Variants in FBXO36 observed in about 807,000 individuals in gnomAD.
FBXO36 encodes F-box only protein 36.
A neutral mutation model predicts 17.0 loss-of-function variants in FBXO36; 18 were observed. The ratio of observed to expected loss-of-function variants is 1.06; its 90% CI spans 0.73 to 1.57. The LOEUF (loss-of-function observed/expected upper bound fraction) is 1.57. Ranked by LOEUF, FBXO36 falls within the 40% of genes most tolerant of loss-of-function variation. The pLI, the probability that FBXO36 is intolerant of heterozygous loss-of-function variation, is 0.00. For synonymous variants in FBXO36, 83 were observed against 85.3 expected (o/e 0.97, Z 0.15); for missense variants, 229 against 221.9 (o/e 1.03, Z -0.20).
At chr2:229,958,344 C>T (rs1560440459) in intron 1 of FBXO36, among the ~76,000 whole-genome samples, 1 of 142,624 alleles carries the variant, frequency 7.0e-6, no homozygotes, top group Non-Finnish European at 1.5e-5. Flanking sequence ...AATCTCAGCT[C>T]ACTGCAACCT....
At chr2:229,976,762 T>G (rs1399124456) in intron 2 of FBXO36, 1 of 160,600 alleles carries the variant, frequency 6.2e-6, no homozygotes, top group African/African-American at 2.4e-5. Context: ...GAGGTTGCAG[T>G]GAGCTGAGAT....
chr2:229,951,255 T>C (rs1412857968), intron 1 of FBXO36, among the ~76,000 whole-genome samples: 1 of 150,536 alleles, frequency 6.6e-6, no homozygotes, highest in Non-Finnish European at 1.5e-5. Context: ...TTTTCTTCTT[T>C]TTTTTTAGAC....
chr2:229,929,578 AAAAG>A lies in FBXO36; in HGVS notation c.96+6975_96+6978del, dbSNP rs575002136. On this transcript the variant is annotated intron_variant, in intron 1 of 3. Transcript: ENST00000283946. ...AAGACTCTGTTTCAAAAAAAAAAGA[AAAAG>A]AAAGACACAGCCAGGCGCGGTGGCT... is the stretch of plus-strand genomic sequence containing the variant. 2.3e-3 allele frequency among the ~76,000 whole-genome samples: 347 copies of A among 151,962 alleles called. 2 individuals carry two copies. Among genetic ancestry groups the A allele is most frequent in the African/African-American group, 7.7e-3 (319 of 41,468 alleles).
chr2:229,936,283 G>A (rs547201296), intron 1 of FBXO36, among the ~76,000 whole-genome samples: 1 of 152,240 alleles, frequency 6.6e-6, no homozygotes, highest in African/African-American at 2.4e-5. Context: ...TATTGCTGTG[G>A]CCAGAGTCAC....
intron 1 of FBXO36, among the ~76,000 whole-genome samples, chr2:229,954,234 A>ATTTTTTT (rs60093081): frequency 0.15 from 10,329 of 70,384 alleles, 3,067 homozygotes; most frequent in Non-Finnish European, 0.22. Flanking sequence ...AACCCTTTGG[A>ATTTTTTT]TTTTTTTTTT....
chr2:229,986,533 A>T lies in FBXO36; in HGVS notation c.205+10184A>T, dbSNP rs572166833. ...TAAGTAAAATAAAATAAACATAAAA[A>T]TTTTTTTTTTTTTTTTTTGGAGACA... On this transcript the variant is annotated intron_variant, in intron 2 of 3. Coordinates refer to ENST00000283946, the MANE Select transcript of FBXO36 (RefSeq NM_174899.5). Among the ~76,000 whole-genome samples the T allele has an allele frequency of 7.4e-3, 1,036 of 140,366 alleles. 9 individuals carry two copies. Among genetic ancestry groups the T allele is most frequent in the African/African-American group, 0.023 (884 of 38,454 alleles). 92.1% of individuals were successfully genotyped at this position (140,366 alleles called of 152,430 possible). A position where few individuals can be genotyped will look rare whatever the true frequency, so the allele number is the denominator to read the frequency against.
At chr2:230,003,340 T>G (rs938861163) in intron 3 of FBXO36, among the ~76,000 whole-genome samples, 3 of 152,066 alleles carry the variant, frequency 2.0e-5, no homozygotes, top group African/African-American at 7.3e-5. Flanking sequence ...TTCTTTATTA[T>G]CATTTTATTT....
intron 1 of FBXO36, among the ~76,000 whole-genome samples, chr2:229,925,283 C>T (rs1003428264): frequency 2.0e-5 from 3 of 152,014 alleles, no homozygotes; most frequent in Non-Finnish European, 4.4e-5. Context: ...AATTAATTCA[C>T]CCTCTTTTTA....
Position 229,996,768 on chromosome 2 carries a change from T to C in FBXO36, c.223T>C (p.Phe75Leu). 1 of 1,610,444 alleles carries C rather than the reference T, an allele frequency of 6.2e-7. No homozygotes were observed. The highest frequency in any genetic ancestry group is 8.5e-7 in the Non-Finnish European group (1 of 1,179,280). Residue 75 changes from phenylalanine (F) to leucine (L), a missense_variant, in exon 3 of 4, where the codon TTT becomes CTT. Physicochemically the swap from Phe to Leu is conservative, Grantham distance 22 (BLOSUM62 0). Coordinates refer to ENST00000283946, the MANE Select transcript of FBXO36 (RefSeq NM_174899.5). ...AATTACAGGTCAAACTGCCTTAATA[T>C]TTGGTGCAAGAATATTAGACTATGT... ...SHLQGQTALI[F>L]GARILDYVIN...
chr2:229,975,633 C>A (rs1376353188), intron 1 of FBXO36, among the ~76,000 whole-genome samples: 1 of 151,530 alleles, frequency 6.6e-6, no homozygotes, highest in African/African-American at 2.4e-5. Context: ...ACCACAATGC[C>A]CAGCTCATTT....
chr2:229,994,094 T>C (rs2077312670), intron 2 of FBXO36, among the ~76,000 whole-genome samples: 1 of 152,128 alleles, frequency 6.6e-6, no homozygotes, highest in African/African-American at 2.4e-5. Context: ...TTAAATACTT[T>C]ATTGGTGGAG....
intron 1 of FBXO36, among the ~76,000 whole-genome samples, chr2:229,928,973 A>ATTTTTT (rs11440617): frequency 1.4e-5 from 2 of 144,854 alleles, no homozygotes. Flanking sequence ...TTTTCTTTTC[A>ATTTTTT]TTTTTTTTTT....
chr2:229,928,231 A>G (rs965530872), intron 1 of FBXO36, among the ~76,000 whole-genome samples: 1 of 152,230 alleles, frequency 6.6e-6, no homozygotes, highest in African/African-American at 2.4e-5. Flanking sequence ...AATGCGGTGG[A>G]TCTCTGTTTA....
At chr2:229,994,068 G>A (rs932207611) in intron 2 of FBXO36, among the ~76,000 whole-genome samples, 2 of 152,058 alleles carry the variant, frequency 1.3e-5, no homozygotes, top group Non-Finnish European at 2.9e-5. Flanking sequence ...CACTGCGCCT[G>A]GCCAACTTTT....
chr2:229,985,314 A>G (rs2077262522), intron 2 of FBXO36, among the ~76,000 whole-genome samples: 1 of 152,172 alleles, frequency 6.6e-6, no homozygotes, highest in Non-Finnish European at 1.5e-5. Flanking sequence ...TGCCCTCCAA[A>G]AAACTGCTGT....
intron 2 of FBXO36, among the ~76,000 whole-genome samples, chr2:229,990,517 G>A (rs1015774160): frequency 7.9e-5 from 12 of 151,932 alleles, no homozygotes; most frequent in Non-Finnish European, 8.8e-5. Context: ...AAAAAAATAC[G>A]TTAATATGGC....
intron 2 of FBXO36, among the ~76,000 whole-genome samples, chr2:229,978,267 A>C (rs1216603789): frequency 6.6e-6 from 1 of 152,004 alleles, no homozygotes; most frequent in African/African-American, 2.4e-5. Flanking sequence ...CAGCCTGGGC[A>C]ACAGAGCAAG....
intron 3 of FBXO36, among the ~76,000 whole-genome samples, chr2:229,998,019 A>G (rs545533168): frequency 6.6e-6 from 1 of 152,330 alleles, no homozygotes; most frequent in African/African-American, 2.4e-5. Context: ...CTTGCAACTG[A>G]GGAACCCTGA....
chr2:230,002,828 GAAT>G (rs1294007992), intron 3 of FBXO36, among the ~76,000 whole-genome samples: 5 of 152,154 alleles, frequency 3.3e-5, no homozygotes, highest in Non-Finnish European at 7.4e-5. Flanking sequence ...GATGAAATGA[GAAT>G]AATAAGGATG....
Sources: allele counts gnomAD v4.1 joint callset (sites outside exome capture counted in the v4.1 genomes callset), GRCh38; gene constraint gnomAD v4.1.1; transcripts MANE v1.5; gene names NCBI Gene and HGNC (gene_info 2026-07-23, HGNC 2026-07-21).